Variants in UGT1A8 observed in about 807,000 individuals in gnomAD.
UGT1A8 encodes the protein UDP-glucuronosyltransferase 1A8.
A neutral mutation model predicts 45.3 loss-of-function variants in UGT1A8; 39 were observed. The observed-to-expected ratio is 0.86, with a 90% confidence interval of 0.67 to 1.12. The LOEUF (loss-of-function observed/expected upper bound fraction) is 1.12, where lower values mean the gene tolerates loss of function less well. UGT1A8 is among the 50% of genes most tolerant of loss of function. UGT1A8 has a pLI of 0.00. For missense variants in UGT1A8, 719 were observed against 664.9 expected (o/e 1.08, Z -0.90); for synonymous variants, 275 against 249.2 (o/e 1.10, Z -0.97).
At chr2:233,682,114 G>A (rs762584312) in intron 1 of UGT1A8, 11 of 1,614,238 alleles carry the variant, frequency 6.8e-6, no homozygotes, top group Non-Finnish European at 9.3e-6. Flanking sequence ...TCGTAGTCAT[G>A]CCAGAGGTGA....
chr2:233,634,068 C>T (rs941476670), intron 1 of UGT1A8, among the ~76,000 whole-genome samples: 3 of 152,044 alleles, frequency 2.0e-5, no homozygotes, highest in Non-Finnish European at 4.4e-5. Context: ...CATTATTTAC[C>T]CAGTAGTAAT....
chr2:233,715,603 C>G (rs1207220731), intron 1 of UGT1A8, among the ~76,000 whole-genome samples: 3 of 151,896 alleles, frequency 2.0e-5, no homozygotes, highest in Non-Finnish European at 4.4e-5. Context: ...GAGACTCCAT[C>G]TCTACAAAAA....
intron 1 of UGT1A8, among the ~76,000 whole-genome samples, chr2:233,742,390 G>A (rs1691965200): frequency 6.6e-6 from 1 of 152,012 alleles, no homozygotes. Context: ...GATGGCTCAT[G>A]TTATTATTTG....
chr2:233,655,225 G>T (rs559496034), intron 1 of UGT1A8, among the ~76,000 whole-genome samples: 1 of 152,134 alleles, frequency 6.6e-6, no homozygotes, highest in Non-Finnish European at 1.5e-5. Context: ...TGATCACCAG[G>T]GCAAAGTCTA....
At chr2:233,693,982 G>T (rs2075192875) in intron 1 of UGT1A8, 9 of 1,554,596 alleles carry the variant, frequency 5.8e-6, no homozygotes, top group Non-Finnish European at 7.8e-6. Context: ...AACGGTGGGG[G>T]GAAGTGATAC....
intron 1 of UGT1A8, chr2:233,649,053 A>G: frequency 1.0e-6 from 1 of 985,842 alleles, no homozygotes; most frequent in Non-Finnish European, 1.4e-6. Flanking sequence ...TTAGCACATT[A>G]AAAGTATTCT....
chr2:233,657,182 C>T (rs940444565), intron 1 of UGT1A8, among the ~76,000 whole-genome samples: 15 of 152,190 alleles, frequency 9.9e-5, no homozygotes, highest in African/African-American at 3.4e-4. Context: ...TCAAGGTCCC[C>T]CATCATCTCA....
chr2:233,743,385 C>T, intron 1 of UGT1A8: 1 of 1,211,156 alleles, frequency 8.3e-7, no homozygotes, highest in Non-Finnish European at 1.1e-6. Flanking sequence ...TACCGTAGGA[C>T]ATGCAGAAGG....
chr2:233,767,704 T>A, intron 2 of UGT1A8, 145 bp from the exon 3 acceptor site: 1 of 1,518,956 alleles, frequency 6.6e-7, no homozygotes, highest in East Asian at 2.4e-5. Context: ...TTGCCAGTCC[T>A]CAGAAGCCTT....
intron 1 of UGT1A8, chr2:233,648,324 C>T: frequency 1.9e-6 from 1 of 518,172 alleles, no homozygotes; most frequent in Non-Finnish European, 3.6e-6. Flanking sequence ...TCTCCCTCCT[C>T]TCGGTGGTCT....
chr2:233,750,987 C>A (rs140441181), intron 1 of UGT1A8, among the ~76,000 whole-genome samples: 5 of 151,730 alleles, frequency 3.3e-5, no homozygotes, highest in African/African-American at 1.2e-4. Context: ...TGTGAGAAGG[C>A]GGCCACCATC....
At chr2:233,622,642 A>G (rs1342023763) in intron 1 of UGT1A8, among the ~76,000 whole-genome samples, 1 of 152,060 alleles carries the variant, frequency 6.6e-6, no homozygotes, top group Non-Finnish European at 1.5e-5. Context: ...TGTCAGGTGG[A>G]TAGATTGCAA....
Position 233,724,954 on chromosome 2 carries a change from C to T in UGT1A8, c.856-42080C>T, listed in dbSNP as rs544768388. Among the ~76,000 whole-genome samples, 7 of 144,024 alleles carry T rather than the reference C, an allele frequency of 4.9e-5. No homozygotes were observed. In the South Asian group the frequency reaches 7.3e-4, roughly 15 times the overall value. 94.5% of individuals were successfully genotyped at this position (144,024 alleles called of 152,430 possible). Reference sequence around the variant, plus strand: ...GACTCCGTCTGCAATCCCGGCACCTCGGGAGGCCGAGGTTGGCGGATCACT... The same window carrying T: ...GACTCCGTCTGCAATCCCGGCACCTTGGGAGGCCGAGGTTGGCGGATCACT... On this transcript the variant is annotated intron_variant, in intron 1 of 4. Transcript: ENST00000373450.
intron 1 of UGT1A8, chr2:233,719,556 G>A (rs1189539975): frequency 1.2e-6 from 2 of 1,613,900 alleles, no homozygotes; most frequent in South Asian, 2.2e-5. Flanking sequence ...GGTGTCAGTG[G>A]TGGATCTTGT....
At chr2:233,659,856 T>C (rs1308059298) in intron 1 of UGT1A8, among the ~76,000 whole-genome samples, 1 of 152,230 alleles carries the variant, frequency 6.6e-6, no homozygotes, top group African/African-American at 2.4e-5. Flanking sequence ...CGAGATTGTC[T>C]AATGTCAATT....
intron 1 of UGT1A8, among the ~76,000 whole-genome samples, chr2:233,724,760 G>A (rs1178180770): frequency 2.1e-5 from 3 of 143,370 alleles, no homozygotes; most frequent in East Asian, 2.2e-4. Flanking sequence ...GACGATGGGC[G>A]GCCAGGCAGA....
Position 233,772,351 on chromosome 2 carries a change from T to C in UGT1A8, c.1385T>C (p.Val462Ala). 1 of 1,614,248 alleles carries C rather than the reference T, an allele frequency of 6.2e-7. No individual in the cohort carries two copies. The change falls in exon 5 of 5, where the codon GTG becomes GCG. Residue 462 changes from valine (V) to alanine (A), a missense_variant. Transcript: ENST00000373450. ...CTGGCCGTGTTCTGGGTGGAGTTTG[T>C]GATGAGGCACAAGGGCGCGCCACAC... ...LDLAVFWVEF[V>A]MRHKGAPHLR...
intron 1 of UGT1A8, among the ~76,000 whole-genome samples, chr2:233,745,757 G>C (rs1464205566): frequency 6.7e-6 from 1 of 150,374 alleles, no homozygotes; most frequent in Non-Finnish European, 1.5e-5. Context: ...AGCAGAAGGG[G>C]TGGAGAGGAG....
intron 1 of UGT1A8, among the ~76,000 whole-genome samples, chr2:233,640,939 A>G (rs2073435541): frequency 6.6e-6 from 1 of 152,174 alleles, no homozygotes; most frequent in African/African-American, 2.4e-5. Flanking sequence ...ATGAACTATA[A>G]GTCTCCCTTT....
Sources: allele counts gnomAD v4.1 joint callset (sites outside exome capture counted in the v4.1 genomes callset), GRCh38; gene constraint gnomAD v4.1.1; transcripts MANE v1.5; gene names NCBI Gene and HGNC (gene_info 2026-07-23, HGNC 2026-07-21).